Variants in NRG1 observed in about 807,000 individuals in gnomAD.
The protein encoded by NRG1 is pro-neuregulin-1, membrane-bound isoform.
A neutral mutation model predicts 63.8 loss-of-function variants in NRG1; 18 were observed. The observed-to-expected ratio is 0.28, with a 90% CI of 0.19 to 0.42. The LOEUF (loss-of-function observed/expected upper bound fraction) is 0.42, where lower values mean the gene tolerates loss of function less well. Among genes scored for constraint, NRG1 ranks in the 10% least tolerant of loss-of-function variants. The pLI is 1.00. For synonymous variants in NRG1, 302 were observed against 301.3 expected, an observed-to-expected ratio of 1.00 and a Z score of -0.02; for missense variants, 762 against 814.7, an observed-to-expected ratio of 0.94 and a Z score of 0.79.
chr8:32,100,790 T>C (rs1830473476), intron 1 of NRG1, among the ~76,000 whole-genome samples: 1 of 152,176 alleles, frequency 6.6e-6, no homozygotes, highest in Admixed American at 6.5e-5. Context: ...AAGTAGGCGA[T>C]GTCAGAGATG....
chr8:32,040,472 T>C (rs1819760882), intron 1 of NRG1, among the ~76,000 whole-genome samples: 1 of 151,988 alleles, frequency 6.6e-6, no homozygotes, highest in Non-Finnish European at 1.5e-5. Flanking sequence ...GTATGCACAA[T>C]GCCTGCTGTT....
chr8:32,407,065 C>T (rs1014140906), intron 1 of NRG1, among the ~76,000 whole-genome samples: 4 of 151,836 alleles, frequency 2.6e-5, no homozygotes, highest in Admixed American at 6.6e-5. Flanking sequence ...ATATAAGTAA[C>T]TTAATCAGAT....
chr8:31,830,665 G>A (rs1160466281), intron 1 of NRG1, among the ~76,000 whole-genome samples: 1 of 151,894 alleles, frequency 6.6e-6, no homozygotes, highest in African/African-American at 2.4e-5. Context: ...TTGTCTTCCT[G>A]TTCCTAAATT....
intron 1 of NRG1, among the ~76,000 whole-genome samples, chr8:32,577,779 C>T (rs1353068099): frequency 6.6e-6 from 1 of 151,624 alleles, no homozygotes; most frequent in East Asian, 1.9e-4. Flanking sequence ...CTTCTTTATC[C>T]ATCTCTCTCT....
At chr8:32,489,164 G>GCTGCCGCATGTGTGGTGGC (rs1449379284) in intron 1 of NRG1, among the ~76,000 whole-genome samples, 12 of 152,148 alleles carry the variant, frequency 7.9e-5, no homozygotes, top group African/African-American at 2.7e-4. Context: ...TTTAGGATGG[G>GCTGCCGCATGTGTGGTGGC]CTGCCGCATG....
intron 1 of NRG1, among the ~76,000 whole-genome samples, chr8:32,589,361 A>G (rs1404440334): frequency 6.6e-6 from 1 of 152,234 alleles, no homozygotes; most frequent in Admixed American, 6.5e-5. Context: ...GACATCCTGC[A>G]TAGAGGACTG....
At chr8:32,552,791 A>G (rs4541858) in intron 1 of NRG1, among the ~76,000 whole-genome samples, 59,592 of 152,058 alleles carry the variant, frequency 0.39, 12,754 homozygotes, top group Admixed American at 0.49. Context: ...TCTCATACCC[A>G]TGAAATGGTC....
chr8:32,508,346 A>C (rs1048429510), intron 1 of NRG1, among the ~76,000 whole-genome samples: 3 of 151,216 alleles, frequency 2.0e-5, no homozygotes, highest in African/African-American at 7.3e-5. Context: ...GCTGGAGTGT[A>C]GTGGTGCGAT....
chr8:31,662,646 C>T (rs1806111508), intron 1 of NRG1, among the ~76,000 whole-genome samples: 1 of 152,110 alleles, frequency 6.6e-6, no homozygotes, highest in African/African-American at 2.4e-5. Flanking sequence ...CTTTTAGGAC[C>T]TCATCCTACC....
chr8:32,140,670 C>T (rs934158490), intron 1 of NRG1, among the ~76,000 whole-genome samples: 10 of 151,912 alleles, frequency 6.6e-5, no homozygotes, highest in Admixed American at 2.6e-4. Context: ...GCTATGCTGC[C>T]CAAGCTGGTC....
chr8:31,734,397 T>C (rs1814439217), intron 1 of NRG1, among the ~76,000 whole-genome samples: 1 of 152,190 alleles, frequency 6.6e-6, no homozygotes, highest in Non-Finnish European at 1.5e-5. Context: ...TCCTCGGGCA[T>C]CAGAGTCAAA....
chr8:32,517,273 C>CT (rs2129504296), intron 1 of NRG1, among the ~76,000 whole-genome samples: 1 of 152,192 alleles, frequency 6.6e-6, no homozygotes, highest in African/African-American at 2.4e-5. Context: ...ACCTTCTTTA[C>CT]TTAGTAAAGT....
At chr8:31,832,385 G>A (rs1466138593) in intron 1 of NRG1, among the ~76,000 whole-genome samples, 18 of 150,522 alleles carry the variant, frequency 1.2e-4, no homozygotes, top group Admixed American at 5.3e-4. Flanking sequence ...TCAGCCTCCC[G>A]AGTAGCTGGA....
At chr8:32,362,660 C>T in intron 1 of NRG1, among the ~76,000 whole-genome samples, 1 of 152,182 alleles carries the variant, frequency 6.6e-6, no homozygotes, top group East Asian at 1.9e-4. Context: ...CAGAGATTCT[C>T]TTCTCAGGAA....
At chr8:32,659,751 A>G (rs575091341) in intron 5 of NRG1, among the ~76,000 whole-genome samples, 1 of 152,234 alleles carries the variant, frequency 6.6e-6, no homozygotes, top group Non-Finnish European at 1.5e-5. Context: ...CCGATGGACC[A>G]TGTTTTAGCC....
At chr8:32,094,423 T>C (rs1469613413) in intron 1 of NRG1, among the ~76,000 whole-genome samples, 1 of 152,176 alleles carries the variant, frequency 6.6e-6, no homozygotes, top group Non-Finnish European at 1.5e-5. Flanking sequence ...CATGGCACCT[T>C]ATTTTGACAA....
intron 1 of NRG1, among the ~76,000 whole-genome samples, chr8:31,799,459 G>A (rs1821539581): frequency 6.6e-6 from 1 of 151,980 alleles, no homozygotes; most frequent in South Asian, 2.1e-4. Flanking sequence ...GATAATTTTA[G>A]ATTCTTTTAG....
chr8:32,322,891 C>T (rs750471014), intron 1 of NRG1, among the ~76,000 whole-genome samples: 14 of 148,030 alleles, frequency 9.5e-5, no homozygotes, highest in Non-Finnish European at 1.8e-4. Context: ...TATAACAAAG[C>T]GGATTAATAT....
intron 5 of NRG1, among the ~76,000 whole-genome samples, chr8:32,623,503 C>T (rs1394592105): frequency 2.0e-5 from 3 of 150,114 alleles, no homozygotes; most frequent in Non-Finnish European, 3.0e-5. Context: ...GCTCTGCCCA[C>T]TGTGGAGAAT....
Sources: allele counts gnomAD v4.1 joint callset (sites outside exome capture counted in the v4.1 genomes callset), GRCh38; gene constraint gnomAD v4.1.1; transcripts MANE v1.5; gene names NCBI Gene and HGNC (gene_info 2026-07-23, HGNC 2026-07-21).